Variants in COL19A1 observed in about 807,000 individuals in gnomAD.
The protein encoded by COL19A1 is collagen alpha-1(XIX) chain.
A neutral mutation model predicts 190.2 loss-of-function variants in COL19A1; 159 were observed. That is an observed-to-expected ratio of 0.84 (90% CI 0.73 to 0.95). The LOEUF (loss-of-function observed/expected upper bound fraction) is 0.95. Ranked by LOEUF, COL19A1 falls within the 40% of genes least tolerant of loss-of-function variation. The probability of loss-of-function intolerance (pLI) is 0.00; values close to 1 mark genes in which losing one functional copy is unlikely to be tolerated. For synonymous variants in COL19A1, 509 were observed against 458.9 expected, an observed-to-expected ratio of 1.11 and a Z score of -1.39; for missense variants, 1,418 against 1,431.9, an observed-to-expected ratio of 0.99 and a Z score of 0.16.
At chr6:69,879,710 A>C (rs1000494059) in intron 2 of COL19A1, 52 bp downstream of exon 2, 60 of 1,501,826 alleles carry the variant, frequency 4.0e-5, no homozygotes, top group Non-Finnish European at 4.9e-5. Flanking sequence ...ATAGCCTTTA[A>C]GTCATTAAAA....
intron 47 of COL19A1, among the ~76,000 whole-genome samples, chr6:70,189,431 T>C (rs1359136066): frequency 6.6e-6 from 1 of 152,214 alleles, no homozygotes; most frequent in Non-Finnish European, 1.5e-5. Context: ...TTTGTTCATG[T>C]TTATATCTCA....
chr6:70,180,077 G>T (rs552683207), intron 42 of COL19A1, among the ~76,000 whole-genome samples: 64 of 152,152 alleles, frequency 4.2e-4, no homozygotes, highest in Non-Finnish European at 7.8e-4. Context: ...GTAGAGACAG[G>T]GTTTCGCCAC....
chr6:69,989,028 C>T (rs1182492725), intron 11 of COL19A1, among the ~76,000 whole-genome samples: 3 of 152,118 alleles, frequency 2.0e-5, no homozygotes, highest in African/African-American at 4.8e-5. Context: ...CCCTCTTTTC[C>T]TGTCACATCT....
intron 11 of COL19A1, among the ~76,000 whole-genome samples, chr6:70,023,117 T>C (rs1362140782): frequency 6.6e-6 from 1 of 151,454 alleles, no homozygotes; most frequent in Non-Finnish European, 1.5e-5. Context: ...TATGGTTTAA[T>C]CATTTTTATG....
At chr6:70,171,353 AG>A (rs1274528309) in intron 40 of COL19A1, among the ~76,000 whole-genome samples, 1 of 152,180 alleles carries the variant, frequency 6.6e-6, no homozygotes, top group African/African-American at 2.4e-5. Flanking sequence ...GGCTCCAGCT[AG>A]CCTGGGACCA....
chr6:70,201,257 T>G (rs569381218), intron 49 of COL19A1, among the ~76,000 whole-genome samples: 83 of 152,324 alleles, frequency 5.4e-4, no homozygotes, highest in Middle Eastern at 3.4e-3. Context: ...GCTCTGGAAC[T>G]GGGGTCTCCT....
At chr6:69,878,990 T>A (rs913085249) in intron 1 of COL19A1, among the ~76,000 whole-genome samples, 11 of 152,176 alleles carry the variant, frequency 7.2e-5, no homozygotes, top group African/African-American at 2.7e-4. Context: ...AGTACCTAGA[T>A]TAGTCAAAAT....
intron 12 of COL19A1, among the ~76,000 whole-genome samples, chr6:70,032,862 G>A (rs775368824): frequency 4.6e-5 from 7 of 152,046 alleles, no homozygotes; most frequent in Non-Finnish European, 8.8e-5. Context: ...CACAGAAATG[G>A]CAAATTTCTT....
intron 16 of COL19A1, among the ~76,000 whole-genome samples, chr6:70,110,233 A>G (rs988368083): frequency 1.3e-5 from 2 of 152,054 alleles, no homozygotes; most frequent in African/African-American, 2.4e-5. Context: ...TCATGTATCA[A>G]TGGGAATCCA....
intron 14 of COL19A1, among the ~76,000 whole-genome samples, chr6:70,061,152 T>G (rs1780807585): frequency 6.6e-6 from 1 of 152,148 alleles, no homozygotes; most frequent in Non-Finnish European, 1.5e-5. Context: ...CCTCCCAGAA[T>G]TTTAATTTGT....
At chr6:69,997,026 T>TATATATAGAGAGAGAG (rs576813975) in intron 11 of COL19A1, among the ~76,000 whole-genome samples, 2 of 146,976 alleles carry the variant, frequency 1.4e-5, no homozygotes, top group South Asian at 4.2e-4. Context: ...TATATATATA[T>TATATATAGAGAGAGAG]AGAGAGAGAG....
intron 12 of COL19A1, 56 bp downstream of exon 12, chr6:70,023,736 T>C (rs1042039636): frequency 6.8e-7 from 1 of 1,475,010 alleles, no homozygotes; most frequent in Admixed American, 2.0e-5. Flanking sequence ...TAAGATATGC[T>C]ATTTAATGCT....
At chr6:70,151,736 T>TG (rs574481942) in intron 31 of COL19A1, among the ~76,000 whole-genome samples, 117 of 152,252 alleles carry the variant, frequency 7.7e-4, no homozygotes, top group African/African-American at 2.8e-3. Context: ...ATTAGCACTC[T>TG]GGAGTAGATT....
At chr6:69,942,178 C>A (rs575656864) in intron 9 of COL19A1, among the ~76,000 whole-genome samples, 13 of 152,150 alleles carry the variant, frequency 8.5e-5, no homozygotes, top group Non-Finnish European at 1.5e-4. Flanking sequence ...TTCCACATCT[C>A]TTTCAAATTA....
intron 16 of COL19A1, among the ~76,000 whole-genome samples, chr6:70,102,642 A>G (rs1783707513): frequency 6.6e-6 from 1 of 152,200 alleles, no homozygotes; most frequent in South Asian, 2.1e-4. Context: ...CTATTTTGTT[A>G]GTATAATTTC....
At chr6:69,905,693 C>T (rs1770507280) in intron 4 of COL19A1, among the ~76,000 whole-genome samples, 2 of 152,208 alleles carry the variant, frequency 1.3e-5, no homozygotes, top group Non-Finnish European at 2.9e-5. Context: ...ATGTTTACCT[C>T]GGCCTATCCT....
chr6:70,034,294 A>G lies in COL19A1; in HGVS notation c.1130A>G (p.Glu377Gly). ...GPHGPPGPKG[E>G]KGDTGPPGPP... ...CATGGTCCACCTGGCCCAAAAGGAG[A>G]AAAGGTATTGTGTTTACCCAGCCAA... Residue 377 changes from glutamate (E) to glycine (G), a missense_variant, in exon 13 of 51, where the codon GAA becomes GGA. Coordinates refer to ENST00000620364, the MANE Select transcript of COL19A1 (RefSeq NM_001858.6). The G allele has an allele frequency of 6.2e-7, 1 of 1,612,514 alleles. No homozygotes were observed.
At chr6:69,954,311 T>A (rs1466548296) in intron 9 of COL19A1, among the ~76,000 whole-genome samples, 1 of 151,918 alleles carries the variant, frequency 6.6e-6, no homozygotes, top group Non-Finnish European at 1.5e-5. Context: ...GGACTTGGGG[T>A]CTGTCTCATC....
chr6:70,047,518 T>A (rs945148166), intron 14 of COL19A1, among the ~76,000 whole-genome samples: 2 of 152,104 alleles, frequency 1.3e-5, no homozygotes, highest in African/African-American at 4.8e-5. Context: ...ATTTGAAAAA[T>A]TGCATTTTAT....
Sources: allele counts gnomAD v4.1 joint callset (sites outside exome capture counted in the v4.1 genomes callset), GRCh38; gene constraint gnomAD v4.1.1; transcripts MANE v1.5; gene names NCBI Gene and HGNC (gene_info 2026-07-23, HGNC 2026-07-21).